LRRC38: variants seen among roughly 807,000 people sequenced by gnomAD.
LRRC38 encodes the protein leucine-rich repeat-containing protein 38.
Under a neutral mutation model 16.4 loss-of-function variants are expected in LRRC38, and 5 were observed. The observed-to-expected ratio is 0.31, with a 90% CI of 0.16 to 0.64. LRRC38 has a LOEUF of 0.64. Ranked by LOEUF, LRRC38 falls within the 30% of genes least tolerant of loss-of-function variation. The probability of loss-of-function intolerance (pLI) is 0.80; values close to 1 mark genes in which losing one functional copy is unlikely to be tolerated. For missense variants in LRRC38, 341 were observed against 401.8 expected, an observed-to-expected ratio of 0.85 and a Z score of 1.29; for synonymous variants, 191 against 190.2, an observed-to-expected ratio of 1.00 and a Z score of -0.04.
At chr1:13,479,936 G>A (rs1557494232) in intron 1 of LRRC38, among the ~76,000 whole-genome samples, 1 of 152,184 alleles carries the variant, frequency 6.6e-6, no homozygotes, top group Non-Finnish European at 1.5e-5. Flanking sequence ...TGACATTTGG[G>A]ACAGGAACAT....
rs987105290 is a variant in LRRC38 at position 13,506,356 on chromosome 1, G to A, written c.631+6607C>T. 3.9e-5 allele frequency among the ~76,000 whole-genome samples: 6 copies of A among 152,212 alleles called. No homozygotes were observed. The East Asian group carries it at 7.7e-4, about 20-fold the overall frequency. ...ACTCGGCTGGGATCTTACTGTGGCC[G>A]TGCTCAGGATATGAGTTGACTCAGA... On this transcript the variant is annotated intron_variant, in intron 1 of 1. Transcript: ENST00000376085.
intron 1 of LRRC38, among the ~76,000 whole-genome samples, chr1:13,497,127 G>A (rs1220803346): frequency 3.3e-5 from 5 of 152,174 alleles, no homozygotes; most frequent in Admixed American, 3.3e-4. Context: ...ACAGATCACA[G>A]GAGGCCTTGT....
chr1:13,503,601 G>A (rs1219286914), intron 1 of LRRC38, among the ~76,000 whole-genome samples: 1 of 152,114 alleles, frequency 6.6e-6, no homozygotes, highest in Non-Finnish European at 1.5e-5. Context: ...TATATTCTCT[G>A]CTGACTCCAA....
chr1:13,485,146 G>A (rs1235793531), intron 1 of LRRC38, among the ~76,000 whole-genome samples: 1 of 152,064 alleles, frequency 6.6e-6, no homozygotes, highest in Non-Finnish European at 1.5e-5. Flanking sequence ...GCGTGATGGC[G>A]CATGCCTGTA....
chr1:13,484,199 T>G (rs1399105501), intron 1 of LRRC38, among the ~76,000 whole-genome samples: 4 of 152,202 alleles, frequency 2.6e-5, no homozygotes, highest in African/African-American at 7.2e-5. Flanking sequence ...GCTCCTTCCT[T>G]TTCGTCAGGT....
intron 1 of LRRC38, 35 bp downstream of exon 1, chr1:13,512,928 T>TCCCCCCCCCCCCCCCCCC: frequency 2.3e-6 from 1 of 435,442 alleles, no homozygotes; most frequent in South Asian, 3.4e-5. Flanking sequence ...CCTGCCCCCC[T>TCCCCCCCCCCCCCCCCCC]CCCTCCCTCC....
intron 1 of LRRC38, among the ~76,000 whole-genome samples, chr1:13,499,782 G>T (rs1293163126): frequency 6.6e-6 from 1 of 152,202 alleles, no homozygotes; most frequent in Non-Finnish European, 1.5e-5. Context: ...CTGTGTGCAG[G>T]CTTCCAGACC....
At chr1:13,484,760 C>T (rs1638910875) in intron 1 of LRRC38, among the ~76,000 whole-genome samples, 1 of 152,228 alleles carries the variant, frequency 6.6e-6, no homozygotes, top group African/African-American at 2.4e-5. Flanking sequence ...CACCATATGC[C>T]AGATATTCTT....
intron 1 of LRRC38, among the ~76,000 whole-genome samples, chr1:13,502,139 C>G (rs1308004410): frequency 6.7e-6 from 1 of 149,742 alleles, no homozygotes; most frequent in Non-Finnish European, 1.5e-5. Flanking sequence ...CGGGGTTTCA[C>G]CATGTTAGCC....
intron 1 of LRRC38, among the ~76,000 whole-genome samples, chr1:13,492,835 C>G (rs1639031544): frequency 6.6e-6 from 1 of 152,318 alleles, no homozygotes. Flanking sequence ...AAAGTGCAGA[C>G]AAGCCAACAT....
At chr1:13,505,273 G>A (rs996675766) in intron 1 of LRRC38, among the ~76,000 whole-genome samples, 1 of 152,134 alleles carries the variant, frequency 6.6e-6, no homozygotes, top group African/African-American at 2.4e-5. Context: ...CAGAGTAGCC[G>A]CTCCCTCCCT....
At chr1:13,504,982 CT>C (rs1312300587) in intron 1 of LRRC38, among the ~76,000 whole-genome samples, 1 of 152,154 alleles carries the variant, frequency 6.6e-6, no homozygotes, top group African/African-American at 2.4e-5. Flanking sequence ...GCTCCCACGA[CT>C]TCCTGGGGCT....
rs1205082266 is a variant in LRRC38, at chr1:13,513,082, G to A, written c.512C>T (p.Ala171Val). ...DNNLRSLSVA[A>V]LAALPALRSL... ...GCGCAGCGCGGGCAGCGCGGCCAGG[G>A]CGGCCACGCTGAGGCTGCGCAGGTT... Residue 171 changes from alanine (A) to valine (V), a missense_variant, in exon 1 of 2, where the codon GCC becomes GTC. Physicochemically the swap from Ala to Val is moderately conservative, Grantham distance 64. Transcript: ENST00000376085. The A allele has an allele frequency of 3.9e-6, 6 of 1,550,154 alleles. No individual in the cohort carries two copies. Among genetic ancestry groups the A allele is most frequent in the East Asian group, 2.4e-5 (1 of 40,890 alleles).
chr1:13,510,294 G>A (rs1309452591), intron 1 of LRRC38, among the ~76,000 whole-genome samples: 1 of 152,170 alleles, frequency 6.6e-6, no homozygotes, highest in Non-Finnish European at 1.5e-5. Context: ...GGAGGTACTG[G>A]GAGCTAGGAG....
chr1:13,491,367 ACC>A (rs1639009859), intron 1 of LRRC38, among the ~76,000 whole-genome samples: 1 of 152,164 alleles, frequency 6.6e-6, no homozygotes, highest in South Asian at 2.1e-4. Context: ...TTACTCTGTC[ACC>A]CAGGCTGGAG....
rs1016730228 is a variant in LRRC38, at chr1:13,513,718, AGGGCGTGCGCCC to A, written c.-137_-126del. The A allele has an allele frequency of 3.1e-4, 128 of 409,978 alleles. No homozygotes were observed. The highest frequency in any genetic ancestry group is 4.2e-4 in the Admixed American group (5 of 11,934). The allele number at this position is 409,978 out of a possible 1,614,324, so 25.4% of individuals were successfully genotyped here. A position where few individuals can be genotyped will look rare whatever the true frequency, so the allele number is the denominator to read the frequency against. ...GAGCCAGAGGGCGGCCCGGGCGGGG[AGGGCGTGCGCCC>A]GGGCGTGCGGGGGCGATGGAGCGCG... On this transcript the variant is annotated 5_prime_UTR_variant, in exon 1 of 2. Coordinates refer to ENST00000376085, the MANE Select transcript of LRRC38 (RefSeq NM_001010847.2).
At chr1:13,498,575 A>T (rs192929560) in intron 1 of LRRC38, among the ~76,000 whole-genome samples, 95 of 152,222 alleles carry the variant, frequency 6.2e-4, no homozygotes, top group Non-Finnish European at 1.2e-3. Context: ...AGGTTGCAGT[A>T]AGCCAAAATT....
Position 13,509,447 on chromosome 1 carries a change from T to C in LRRC38, c.631+3516A>G, listed in dbSNP as rs186488365. On this transcript the variant is annotated intron_variant, in intron 1 of 1. Transcript: ENST00000376085. The stretch of plus-strand genomic sequence containing the variant: ...GTCCAGTGACCCCTACCAAGCCTCA[T>C]GCCCACTGGCCTCGGTTTCTCAAAC... 5.6e-4 allele frequency among the ~76,000 whole-genome samples: 85 copies of C among 152,252 alleles called. 1 individual carries two copies. In the South Asian group the frequency reaches 7.1e-3, roughly 13 times the overall value.
At chr1:13,481,423 G>A (rs1220947257) in intron 1 of LRRC38, among the ~76,000 whole-genome samples, 7 of 146,450 alleles carry the variant, frequency 4.8e-5, no homozygotes, top group South Asian at 2.2e-4. Context: ...ATGGAGTCTC[G>A]CTCTGTCGCC....
Sources: allele counts gnomAD v4.1 joint callset (sites outside exome capture counted in the v4.1 genomes callset), GRCh38; gene constraint gnomAD v4.1.1; transcripts MANE v1.5; gene names NCBI Gene and HGNC (gene_info 2026-07-23, HGNC 2026-07-21).